Variants in PTPRA observed in about 807,000 individuals in gnomAD.
PTPRA encodes the protein receptor-type tyrosine-protein phosphatase alpha.
In PTPRA, 25 loss-of-function variants were observed where a neutral mutation model predicts 104.8. The observed-to-expected ratio is 0.24, with a 90% CI of 0.17 to 0.33. The LOEUF is 0.33. Among genes scored for constraint, PTPRA ranks in the 10% least tolerant of loss-of-function variants. The pLI is 1.00. For synonymous variants in PTPRA, 323 were observed against 368.9 expected (o/e 0.88, Z 1.43); for missense variants, 765 against 1,015.3 (o/e 0.75, Z 3.35).
At chr20:2,951,169 G>A (rs1477199665) in intron 3 of PTPRA, among the ~76,000 whole-genome samples, 2 of 151,922 alleles carry the variant, frequency 1.3e-5, no homozygotes, top group Non-Finnish European at 2.9e-5. Flanking sequence ...GGGCGATCTC[G>A]GCTTACTGCC....
At position 2,969,978 on chromosome 20, in the gene PTPRA, T is replaced by TAAATAATAAATAAATAAATAAATA. The variant is rs1555807324; in HGVS notation, c.415+4778_415+4779insATAATAAATAAATAAATAAATAAA. 2.5e-3 allele frequency among the ~76,000 whole-genome samples: 370 copies of TAAATAATAAATAAATAAATAAATA among 150,090 alleles called. 1 individual carries two copies. The highest frequency in any genetic ancestry group is 8.5e-3 in the African/African-American group (348 of 40,856). ...GAGCAAGACTCTCTCTCTAAATAAATAATAAATAAATAAATAACTCCTTTT... is the reference window on the plus strand; with the variant it reads ...GAGCAAGACTCTCTCTCTAAATAAATAAATAATAAATAAATAAATAAATAAATAAATAAATAAATAACTCCTTTT... On this transcript the variant is annotated intron_variant, in intron 5 of 23. Transcript: ENST00000399903.
chr20:2,948,482 A>G (rs1290032253), intron 3 of PTPRA, among the ~76,000 whole-genome samples: 1 of 152,152 alleles, frequency 6.6e-6, no homozygotes, highest in Non-Finnish European at 1.5e-5. Context: ...GTTTCATTAC[A>G]TTCATCTAGC....
At chr20:2,878,198 C>G (rs1247537827) in intron 1 of PTPRA, among the ~76,000 whole-genome samples, 2 of 98,902 alleles carry the variant, frequency 2.0e-5, no homozygotes, top group Non-Finnish European at 3.7e-5. Flanking sequence ...GCATCGACAG[C>G]TGTAGTTTTT....
rs569575324 is a variant in PTPRA at position 2,999,162 on chromosome 20, G to A, written c.739-5894G>A. Reference sequence around the variant, plus strand: ...TCCAAATGTAAAGTACCTAGGAATGGATTTAACAATTTAGAGAAAATTATT... The same window carrying A: ...TCCAAATGTAAAGTACCTAGGAATGAATTTAACAATTTAGAGAAAATTATT... On this transcript the variant is annotated intron_variant, in intron 9 of 23. Coordinates refer to ENST00000399903, the MANE Select transcript of PTPRA (RefSeq NM_001385305.1). Among the ~76,000 whole-genome samples, 3 of 152,146 alleles carry A rather than the reference G, an allele frequency of 2.0e-5. No homozygotes were observed. The South Asian group carries it at 6.2e-4, about 32-fold the overall frequency.
At chr20:3,011,930 C>T (rs1480225026) in intron 11 of PTPRA, among the ~76,000 whole-genome samples, 1 of 152,184 alleles carries the variant, frequency 6.6e-6, no homozygotes, top group Non-Finnish European at 1.5e-5. Context: ...CTTCTACTAC[C>T]GTGCTTGCCC....
In PTPRA at chr20:2,953,500, G is replaced by A. The variant is rs547000521; in HGVS notation, c.-7+5476G>A. On this transcript the variant is annotated intron_variant, in intron 3 of 23. Coordinates refer to ENST00000399903, the MANE Select transcript of PTPRA (RefSeq NM_001385305.1). ...GATCTCCGGACCTTGTGATTCACCC[G>A]CCTCAGCCTCCCGAAGTGCTGGGAT... Among the ~76,000 whole-genome samples, 7 of 152,026 alleles carry A rather than the reference G, an allele frequency of 4.6e-5. No homozygotes were observed. The South Asian group carries it at 1.5e-3, about 32-fold the overall frequency.
intron 11 of PTPRA, 93 bp from the exon 12 acceptor site, chr20:3,015,756 G>T (rs1211412558): frequency 1.9e-6 from 2 of 1,048,978 alleles, no homozygotes; most frequent in Admixed American, 1.9e-5. Flanking sequence ...CACATTTTCA[G>T]GTTTTGTTAA....
intron 9 of PTPRA, among the ~76,000 whole-genome samples, chr20:2,996,048 A>G (rs763989964): frequency 1.5e-4 from 23 of 152,158 alleles, no homozygotes; most frequent in Non-Finnish European, 5.9e-5. Context: ...AACATCACCC[A>G]CGTTTCCCCT....
At chr20:2,910,162 A>AT (rs2059622580) in intron 1 of PTPRA, among the ~76,000 whole-genome samples, 1 of 42,696 alleles carries the variant, frequency 2.3e-5, no homozygotes, top group Admixed American at 2.8e-4. Context: ...TATACGTCAT[A>AT]TATAATATGA....
At chr20:2,954,222 C>T (rs534353891) in intron 3 of PTPRA, among the ~76,000 whole-genome samples, 22 of 151,666 alleles carry the variant, frequency 1.5e-4, no homozygotes, top group East Asian at 7.8e-4. Flanking sequence ...GGATTACAGG[C>T]GCCCGCCACC....
chr20:2,955,300 CTATTT>C (rs949495228), intron 3 of PTPRA, among the ~76,000 whole-genome samples: 13 of 152,126 alleles, frequency 8.5e-5, no homozygotes, highest in African/African-American at 3.1e-4. Flanking sequence ...ATACCAAATT[CTATTT>C]TGTGTATTTG....
intron 1 of PTPRA, among the ~76,000 whole-genome samples, chr20:2,922,671 T>A (rs2060139948): frequency 6.6e-6 from 1 of 150,638 alleles, no homozygotes; most frequent in South Asian, 2.1e-4. Flanking sequence ...GGAGTCTGAC[T>A]TTGTCGCCTG....
chr20:2,907,230 A>G (rs941244927), intron 1 of PTPRA, among the ~76,000 whole-genome samples: 2 of 152,186 alleles, frequency 1.3e-5, no homozygotes, highest in Non-Finnish European at 2.9e-5. Flanking sequence ...CTAATTCTCA[A>G]AGCCATTTAT....
intron 1 of PTPRA, among the ~76,000 whole-genome samples, chr20:2,885,551 A>G (rs2090330639): frequency 6.6e-6 from 1 of 151,322 alleles, no homozygotes. Context: ...CAAATCTTAT[A>G]TTCTTTCTAT....
intron 11 of PTPRA, among the ~76,000 whole-genome samples, chr20:3,009,499 G>A (rs938779949): frequency 6.6e-6 from 1 of 152,142 alleles, no homozygotes; most frequent in Admixed American, 6.6e-5. Flanking sequence ...AAGAACAGGA[G>A]GTTGTGTCCA....
chr20:2,984,746 C>G (rs2062829171), intron 6 of PTPRA, among the ~76,000 whole-genome samples: 1 of 152,192 alleles, frequency 6.6e-6, no homozygotes. Context: ...TTGAACTGGC[C>G]TTTGTGCTGT....
chr20:2,894,094 G>A (rs1012702180), intron 1 of PTPRA, among the ~76,000 whole-genome samples: 1 of 152,044 alleles, frequency 6.6e-6, no homozygotes, highest in African/African-American at 2.4e-5. Context: ...TCATCAGTAG[G>A]TTGCCATAGA....
chr20:2,937,249 C>T (rs1177188795), intron 2 of PTPRA, among the ~76,000 whole-genome samples: 4 of 151,644 alleles, frequency 2.6e-5, no homozygotes, highest in Admixed American at 6.6e-5. Context: ...TCAGCCCCTC[C>T]GAGTAGCTGG....
chr20:3,021,291 A>G lies in PTPRA; in HGVS notation c.1042-18A>G, dbSNP rs895220474. 3.1e-6 allele frequency: 5 copies of G among 1,613,502 alleles called. No homozygotes were observed. The African/African-American group carries it at 6.7e-5, about 22-fold the overall frequency. ...CAGGAGGTCTAAGGTCAGGGAATGT[A>G]TGTCTTTTTCTTTCCAGTGCAAGTG... On this transcript the variant is annotated intron_variant, in intron 13 of 23. Transcript: ENST00000399903.
Sources: allele counts gnomAD v4.1 joint callset (sites outside exome capture counted in the v4.1 genomes callset), GRCh38; gene constraint gnomAD v4.1.1; transcripts MANE v1.5; gene names NCBI Gene and HGNC (gene_info 2026-07-23, HGNC 2026-07-21).